RNF17: variants seen among roughly 807,000 people sequenced by gnomAD.
The protein encoded by RNF17 is spermatogenesis associated 23.
RNF17 carries 31 observed loss-of-function variants against 200.5 expected under a neutral mutation model. That is an observed-to-expected ratio of 0.15 (90% CI 0.12 to 0.21). The LOEUF (loss-of-function observed/expected upper bound fraction) is 0.21, where lower values mean the gene tolerates loss of function less well. RNF17 is among the 10% of genes least tolerant of loss of function. RNF17 has a pLI of 1.00. For missense variants in RNF17, 1,628 were observed against 1,905.1 expected (o/e 0.85, Z 2.71); for synonymous variants, 606 against 637.8 (o/e 0.95, Z 0.75).
chr13:24,792,997 ATATACCTCTGTATTCATAGCT>A (rs749931604), intron 9 of RNF17, 24 bp from the exon 10 acceptor site: 1 of 1,288,980 alleles, frequency 7.8e-7, no homozygotes, highest in Non-Finnish European at 1.1e-6. Context: ...TGGTTGTACC[ATATACCTCTGTATTCATAGCT>A]TATATCTCTG....
downstream of RNF17, among the ~76,000 whole-genome samples, chr13:24,881,965 G>T (rs201519162): frequency 0.013 from 32 of 2,534 alleles, 5 homozygotes; most frequent in Non-Finnish European, 0.016. Context: ...GATACATCTA[G>T]ATATATAGAT....
Position 24,781,807 on chromosome 13 carries a change from C to T in RNF17, c.511-37C>T, listed in dbSNP as rs1386755694. 2.1e-6 allele frequency: 3 copies of T among 1,443,164 alleles called. No individual in the cohort carries two copies. The East Asian group carries it at 7.0e-5, about 34-fold the overall frequency. 89.4% of individuals were successfully genotyped at this position (1,443,164 alleles called of 1,614,324 possible). On this transcript the variant is annotated intron_variant, in intron 5 of 35. Transcript: ENST00000255324. The stretch of plus-strand genomic sequence containing the variant: ...TACAACTTCTACAAAATAAAAATTC[C>T]CAAATTAAGTTTTTGTCTTGTTTTT...
At position 24,780,646 on chromosome 13, in the gene RNF17, C is replaced by A. The variant is rs143207264; in HGVS notation, c.510+899C>A. Among the ~76,000 whole-genome samples, 417 of 152,272 alleles carry A rather than the reference C, an allele frequency of 2.7e-3. 5 individuals carry two copies. The highest frequency in any genetic ancestry group is 9.7e-3 in the African/African-American group (402 of 41,572). ...CCTGTGATCCCAGCACTTTGGGAGGCCAGGGCAGGTGGATCACTTGAGGTC... is the reference window on the plus strand; with the variant it reads ...CCTGTGATCCCAGCACTTTGGGAGGACAGGGCAGGTGGATCACTTGAGGTC... On this transcript the variant is annotated intron_variant, in intron 5 of 35. Transcript: ENST00000255324.
At chr13:24,789,557 G>A (rs1883578382) in intron 8 of RNF17, 133 bp downstream of exon 8, 1 of 887,718 alleles carries the variant, frequency 1.1e-6, no homozygotes, top group South Asian at 1.6e-5. Context: ...ACCAAATTAA[G>A]ATAAGTGTAA....
intron 15 of RNF17, among the ~76,000 whole-genome samples, chr13:24,819,084 G>A (rs114788564): frequency 3.7e-4 from 57 of 152,086 alleles, no homozygotes; most frequent in African/African-American, 1.3e-3. Context: ...ATTTTTTAGT[G>A]TAACTTCAGT....
intron 15 of RNF17, 34 bp from the exon 16 acceptor site, chr13:24,825,585 T>C (rs372167483): frequency 4.5e-5 from 64 of 1,422,220 alleles, no homozygotes; most frequent in Non-Finnish European, 6.2e-5. Context: ...TAAGTTTCTG[T>C]GAAATGACAG....
chr13:24,807,811 T>C (rs918004732), intron 15 of RNF17, among the ~76,000 whole-genome samples: 2 of 152,134 alleles, frequency 1.3e-5, no homozygotes, highest in South Asian at 4.1e-4. Flanking sequence ...CCATCTTGAA[T>C]TGATTTTTGT....
At chr13:24,758,237 C>A in the RNF17 span, among the ~76,000 whole-genome samples, 115 of 152,296 alleles carry the variant, frequency 7.6e-4, 2 homozygotes, top group East Asian at 0.019. Flanking sequence ...ATTCCCCATT[C>A]TTTGTCCCTT....
intron 29 of RNF17, among the ~76,000 whole-genome samples, chr13:24,865,870 A>G (rs898114904): frequency 1.3e-5 from 2 of 152,154 alleles, no homozygotes; most frequent in African/African-American, 4.8e-5. Flanking sequence ...TAGTTGTACT[A>G]TTCACTGTGA....
intron 19 of RNF17, 84 bp from the exon 20 acceptor site, chr13:24,843,657 TATC>T (rs34260997): frequency 0.42 from 314,343 of 755,706 alleles, 66,741 homozygotes; most frequent in East Asian, 0.54. Context: ...GTCATATAAG[TATC>T]ATCACAGTCA....
chr13:24,796,765 A>T (rs1175417419), intron 11 of RNF17, among the ~76,000 whole-genome samples: 1 of 152,150 alleles, frequency 6.6e-6, no homozygotes, highest in Non-Finnish European at 1.5e-5. Context: ...AATTGTGAGG[A>T]TATGTGAATT....
rs377554570 is a variant in RNF17 at position 24,823,460 on chromosome 13, A to G, written c.2092-2159A>G. 1.3e-4 allele frequency among the ~76,000 whole-genome samples: 19 copies of G among 150,216 alleles called. No homozygotes were observed. In the East Asian group the frequency reaches 3.5e-3, roughly 27 times the overall value. On this transcript the variant is annotated intron_variant, in intron 15 of 35. Transcript: ENST00000255324. Reference sequence around the variant, plus strand: ...AGACCATTCCTTGTCATGTATGATCACTGAAGTCTGTTGTTTCTTTGGCTT... The same window carrying G: ...AGACCATTCCTTGTCATGTATGATCGCTGAAGTCTGTTGTTTCTTTGGCTT...
chr13:24,858,707 A>C (rs149048892), intron 25 of RNF17, among the ~76,000 whole-genome samples: 242 of 152,006 alleles, frequency 1.6e-3, no homozygotes, highest in African/African-American at 5.7e-3. Context: ...CCTGTGTCCT[A>C]TTTTACTTAG....
chr13:24,770,582 C>T (rs889206713), intron 2 of RNF17, among the ~76,000 whole-genome samples: 9 of 152,008 alleles, frequency 5.9e-5, no homozygotes, highest in Non-Finnish European at 1.3e-4. Context: ...ACTTAAAATA[C>T]CATTCAGCTC....
At chr13:24,794,471 C>T (rs1229001927) in intron 10 of RNF17, among the ~76,000 whole-genome samples, 3 of 152,090 alleles carry the variant, frequency 2.0e-5, no homozygotes, top group African/African-American at 4.8e-5. Context: ...CTCAGGAGTT[C>T]GAAACCAGCC....
At chr13:24,848,034 G>A (rs1891445958) in intron 22 of RNF17, among the ~76,000 whole-genome samples, 1 of 152,086 alleles carries the variant, frequency 6.6e-6, no homozygotes, top group African/African-American at 2.4e-5. Context: ...CCTAATAATA[G>A]CTAACCTTTA....
intron 15 of RNF17, among the ~76,000 whole-genome samples, chr13:24,811,793 A>G (rs1232496471): frequency 1.3e-5 from 2 of 151,938 alleles, no homozygotes; most frequent in African/African-American, 2.4e-5. Flanking sequence ...TTGGTCTTTG[A>G]TGATGGTGAT....
At chr13:24,884,110 A>G (rs1566276046), downstream of RNF17, 2 of 1,605,588 alleles carry the variant, frequency 1.2e-6, no homozygotes, top group Non-Finnish European at 1.7e-6. Context: ...TACAGTAAAT[A>G]TTTTTTGAAG....
At chr13:24,791,740 G>A (rs1179838081) in intron 9 of RNF17, among the ~76,000 whole-genome samples, 1 of 152,128 alleles carries the variant, frequency 6.6e-6, no homozygotes, top group Non-Finnish European at 1.5e-5. Flanking sequence ...ATAGGATGAT[G>A]TATACTCTAA....
Sources: allele counts gnomAD v4.1 joint callset (sites outside exome capture counted in the v4.1 genomes callset), GRCh38; gene constraint gnomAD v4.1.1; transcripts MANE v1.5; gene names NCBI Gene and HGNC (gene_info 2026-07-23, HGNC 2026-07-21).